Variants in MYRIP observed in about 807,000 individuals in gnomAD.
The protein encoded by MYRIP is myosin VIIA and Rab interacting protein, also known as rab effector MyRIP.
A neutral mutation model predicts 98.0 loss-of-function variants in MYRIP; 49 were observed. The ratio of observed to expected loss-of-function variants is 0.50; its 90% CI spans 0.40 to 0.63. The LOEUF is 0.63. Among genes scored for constraint, MYRIP ranks in the 30% least tolerant of loss-of-function variants. The pLI, the probability that MYRIP is intolerant of heterozygous loss-of-function variation, is 0.00. For missense variants in MYRIP, 1,004 were observed against 1,058.2 expected, an observed-to-expected ratio of 0.95 and a Z score of 0.71; for synonymous variants, 404 against 409.5, an observed-to-expected ratio of 0.99 and a Z score of 0.16.
At chr3:39,835,800 G>C (rs780627650) in intron 1 of MYRIP, among the ~76,000 whole-genome samples, 2 of 152,018 alleles carry the variant, frequency 1.3e-5, no homozygotes, top group Non-Finnish European at 2.9e-5. Context: ...GTGCCCATAT[G>C]TTCTCATTTT....
intron 3 of MYRIP, among the ~76,000 whole-genome samples, chr3:40,121,470 C>T (rs889683174): frequency 1.6e-4 from 25 of 151,798 alleles, no homozygotes; most frequent in African/African-American, 6.0e-4. Flanking sequence ...CACTCTTCTT[C>T]TTCTGCTCCC....
intron 2 of MYRIP, among the ~76,000 whole-genome samples, chr3:40,032,827 A>G (rs1947291382): frequency 1.3e-5 from 2 of 152,206 alleles, no homozygotes; most frequent in Non-Finnish European, 2.9e-5. Context: ...TCAATAAAAT[A>G]CTGGCAAACT....
chr3:40,102,281 C>T (rs1309131272), intron 3 of MYRIP, among the ~76,000 whole-genome samples: 1 of 152,168 alleles, frequency 6.6e-6, no homozygotes, highest in Non-Finnish European at 1.5e-5. Flanking sequence ...GGACTAGAGG[C>T]CTAACTATTT....
intron 3 of MYRIP, among the ~76,000 whole-genome samples, chr3:40,067,791 A>AC (rs1948152471): frequency 6.6e-6 from 1 of 152,194 alleles, no homozygotes; most frequent in Non-Finnish European, 1.5e-5. Context: ...AACAGTTATA[A>AC]GGTGCTTATC....
chr3:40,038,645 T>A (rs576949847), intron 2 of MYRIP, among the ~76,000 whole-genome samples: 1 of 152,032 alleles, frequency 6.6e-6, no homozygotes, highest in Non-Finnish European at 1.5e-5. Context: ...TAAACAAAAA[T>A]AGATCATTTT....
chr3:40,177,218 T>C (rs1950787337), intron 8 of MYRIP, among the ~76,000 whole-genome samples: 1 of 152,176 alleles, frequency 6.6e-6, no homozygotes, highest in African/African-American at 2.4e-5. Flanking sequence ...TGGACACTCA[T>C]CTGCATCACC....
intron 16 of MYRIP, 114 bp from the exon 17 acceptor site, chr3:40,258,020 G>T: frequency 8.8e-7 from 1 of 1,140,172 alleles, no homozygotes; most frequent in South Asian, 1.2e-5. Context: ...ACATCTAACT[G>T]GTCAAAAAGC....
In MYRIP at chr3:40,151,058, G is replaced by A. The variant is rs555961853; in HGVS notation, c.343G>A (p.Ala115Thr). The part of the protein sequence containing the change: ...CVCQQARLLR[A>T]QSLEWFYNNV... ...TTCTGTTTTCCTCAGGCTTCTGAGGGCCCAATCTCTGGAATGGTTCTACAA... is the reference window on the plus strand; with the variant it reads ...TTCTGTTTTCCTCAGGCTTCTGAGGACCCAATCTCTGGAATGGTTCTACAA... The change falls in exon 4 of 17, where the codon GCC becomes ACC. Residue 115 changes from alanine to threonine, a missense_variant. Physicochemically the swap from Ala to Thr is moderately conservative, Grantham distance 58 (BLOSUM62 0). This residue lies in a region of MYRIP where 880 missense variants were observed against 907.7 expected (regional missense o/e 0.97). Transcript: ENST00000302541. The A allele has an allele frequency of 2.2e-5, 35 of 1,589,750 alleles. 1 individual carries two copies. The South Asian group carries it at 3.4e-4, about 16-fold the overall frequency.
intron 1 of MYRIP, among the ~76,000 whole-genome samples, chr3:39,830,281 A>C (rs1038380933): frequency 6.6e-6 from 1 of 151,974 alleles, no homozygotes; most frequent in African/African-American, 2.4e-5. Flanking sequence ...ATCTTTACCT[A>C]CTCCATACCT....
chr3:40,074,378 T>C (rs1948297092), intron 3 of MYRIP, among the ~76,000 whole-genome samples: 1 of 152,166 alleles, frequency 6.6e-6, no homozygotes, highest in African/African-American at 2.4e-5. Context: ...TACCTATGCA[T>C]TCTTATGTCA....
At chr3:39,868,334 T>A (rs1053557171) in intron 1 of MYRIP, among the ~76,000 whole-genome samples, 1 of 152,112 alleles carries the variant, frequency 6.6e-6, no homozygotes, top group Non-Finnish European at 1.5e-5. Flanking sequence ...GGTATTGAGG[T>A]CCCTAAAAGA....
At chr3:39,812,123 A>T (rs1408172015) in intron 1 of MYRIP, among the ~76,000 whole-genome samples, 1 of 152,202 alleles carries the variant, frequency 6.6e-6, no homozygotes. Flanking sequence ...GTGGATTGTC[A>T]CAACTGAGCA....
At chr3:40,250,782 T>C (rs1953351408) in intron 15 of MYRIP, among the ~76,000 whole-genome samples, 1 of 152,250 alleles carries the variant, frequency 6.6e-6, no homozygotes, top group African/African-American at 2.4e-5. Flanking sequence ...AGTTATTTCT[T>C]TGGGCAAATA....
intron 2 of MYRIP, among the ~76,000 whole-genome samples, chr3:39,969,031 GAT>G (rs1239221265): frequency 4.6e-5 from 7 of 152,098 alleles, no homozygotes; most frequent in Non-Finnish European, 1.0e-4. Context: ...TCATTGTAGA[GAT>G]CTTTCACCTC....
At chr3:40,127,134 AC>A (rs1407158228) in intron 3 of MYRIP, among the ~76,000 whole-genome samples, 2 of 152,230 alleles carry the variant, frequency 1.3e-5, no homozygotes, top group Non-Finnish European at 2.9e-5. Flanking sequence ...AGAAGAAAAC[AC>A]CTTTCTTATA....
intron 3 of MYRIP, among the ~76,000 whole-genome samples, chr3:40,077,302 G>A (rs954037316): frequency 6.6e-5 from 10 of 152,088 alleles, no homozygotes; most frequent in African/African-American, 9.7e-5. Flanking sequence ...CTGCTGGCTC[G>A]GGCAGCCTGC....
chr3:40,141,698 G>C (rs779768201), intron 3 of MYRIP, among the ~76,000 whole-genome samples: 1 of 152,156 alleles, frequency 6.6e-6, no homozygotes, highest in East Asian at 1.9e-4. Context: ...TTGTGGAAAA[G>C]ACTGTCCTTT....
chr3:39,859,701 G>A (rs551373035), intron 1 of MYRIP, among the ~76,000 whole-genome samples: 2 of 152,202 alleles, frequency 1.3e-5, no homozygotes, highest in Non-Finnish European at 2.9e-5. Flanking sequence ...TCCCTGATAT[G>A]CAAGGATGGT....
intron 5 of MYRIP, 78 bp downstream of exon 5, chr3:40,162,888 T>A: frequency 1.5e-6 from 2 of 1,332,354 alleles, no homozygotes; most frequent in Non-Finnish European, 2.2e-6. Context: ...ACTGCCAGGG[T>A]CCCCCAGATG....
Sources: allele counts gnomAD v4.1 joint callset (sites outside exome capture counted in the v4.1 genomes callset), GRCh38; gene constraint gnomAD v4.1.1; regional missense constraint gnomAD v4.1.1; transcripts MANE v1.5; gene names NCBI Gene and HGNC (gene_info 2026-07-23, HGNC 2026-07-21).